Variants in COL1A2 observed in about 807,000 individuals in gnomAD.
COL1A2 encodes the protein collagen type I alpha 2 chain, also known as collagen alpha-2(I) chain.
In COL1A2, 49 loss-of-function variants were observed where a neutral mutation model predicts 174.3. That is an observed-to-expected ratio of 0.28 (90% CI 0.22 to 0.36). The LOEUF (loss-of-function observed/expected upper bound fraction) is 0.36, where lower values mean the gene tolerates loss of function less well. Ranked by LOEUF, COL1A2 falls within the 10% of genes least tolerant of loss-of-function variation. The probability of loss-of-function intolerance (pLI) is 1.00; values close to 1 mark genes in which losing one functional copy is unlikely to be tolerated. For missense variants in COL1A2, 1,438 were observed against 1,822.7 expected (o/e 0.79, Z 3.84); for synonymous variants, 655 against 606.6 (o/e 1.08, Z -1.17).
At chr7:94,420,352 G>C (rs747020099) in intron 35 of COL1A2, 39 bp from the exon 36 acceptor site, 1 of 1,614,106 alleles carries the variant, frequency 6.2e-7, no homozygotes, top group South Asian at 1.1e-5. Flanking sequence ...GATGAACCTA[G>C]GATTGATAAC....
In COL1A2 at chr7:94,420,236, G is replaced by A; in HGVS notation, c.2083G>A (p.Glu695Lys). The A allele has an allele frequency of 3.7e-6, 6 of 1,613,448 alleles. No individual in the cohort carries two copies. The highest frequency in any genetic ancestry group is 4.2e-6 in the Non-Finnish European group (5 of 1,180,036). The change falls in exon 35 of 52, where the codon GAA (glutamate) becomes AAA (lysine). Residue 695 changes from glutamate (E) to lysine (K), a missense_variant. Transcript: ENST00000297268. ...TTCATCTTTGGTCCCATTATAGGGCGAAGCTGGGGCTGCTGGTCCTGCTGG... is the reference window on the plus strand; with the variant it reads ...TTCATCTTTGGTCCCATTATAGGGCAAAGCTGGGGCTGCTGGTCCTGCTGG... The part of the protein sequence containing the change: ...GPAGATGDRG[E>K]AGAAGPAGPA...
chr7:94,404,892 T>A lies in COL1A2; in HGVS notation c.432T>A (p.Asp144Glu). 1 of 1,614,022 alleles carries A rather than the reference T, an allele frequency of 6.2e-7. No individual in the cohort carries two copies. Among genetic ancestry groups the A allele is most frequent in the Non-Finnish European group, 8.5e-7 (1 of 1,179,946 alleles). ...GCCCTCCTGGCAAGGCTGGTGAAGATGTAAGTATTTACTCTTAAGCACTTT... is the reference window on the plus strand; with the variant it reads ...GCCCTCCTGGCAAGGCTGGTGAAGAAGTAAGTATTTACTCTTAAGCACTTT... ...PAGPPGKAGE[D>E]GHPGKPGRPG... Residue 144 changes from aspartate (D) to glutamate (E), a missense_variant and splice_region_variant, in exon 9 of 52, where the codon GAT becomes GAA. Transcript: ENST00000297268.
At chr7:94,429,162 C>G in intron 50 of COL1A2, 26 bp from the exon 51 acceptor site, 1 of 1,461,386 alleles carries the variant, frequency 6.8e-7, no homozygotes, top group Non-Finnish European at 9.3e-7. Context: ...CTCCACTTAA[C>G]TGGAATTTCA....
intron 31 of COL1A2, 38 bp from the exon 32 acceptor site, chr7:94,417,686 T>A (rs1792070172): frequency 6.7e-7 from 1 of 1,498,860 alleles, no homozygotes; most frequent in East Asian, 2.4e-5. Context: ...TTTTCTTCTT[T>A]CTCCACTAAA....
At position 94,413,125 on chromosome 7, in the gene COL1A2, G is replaced by T. The variant is rs1185283931; in HGVS notation, c.1546G>T (p.Ala516Ser). 1.9e-6 allele frequency: 3 copies of T among 1,614,220 alleles called. No homozygotes were observed. Among genetic ancestry groups the T allele is most frequent in the Non-Finnish European group, 2.5e-6 (3 of 1,180,036 alleles). The change falls in exon 26 of 52, where the codon GCT becomes TCT. Residue 516 changes from alanine (A) to serine (S), a missense_variant. Ala to Ser is a moderately conservative substitution (Grantham distance 99). Transcript: ENST00000297268. ...KNGDKGHAGL[A>S]GARGAPGPDG... ...CGGTGATAAAGGTCATGCTGGTCTT[G>T]CTGGTGCTCGGGTAGGTGCTAACTT...
intron 51 of COL1A2, 178 bp downstream of exon 51, chr7:94,429,608 G>A (rs1425614832): frequency 6.6e-6 from 4 of 607,618 alleles, no homozygotes; most frequent in Non-Finnish European, 1.1e-5. Context: ...TTATTTATAC[G>A]TATTAATTTC....
intron 2 of COL1A2, 21 bp from the exon 3 acceptor site, chr7:94,398,361 C>T (rs763645397): frequency 1.5e-5 from 13 of 868,300 alleles, no homozygotes; most frequent in Non-Finnish European, 2.2e-5. Flanking sequence ...TCATAATAAT[C>T]TTTGATTTAT....
intron 41 of COL1A2, chr7:94,424,880 C>T: frequency 3.6e-6 from 2 of 560,334 alleles, no homozygotes; most frequent in South Asian, 2.0e-5. Context: ...TACTGAATGA[C>T]ACGAGGCTCA....
rs760482884 is a variant in COL1A2 at position 94,409,363 on chromosome 7, C to T, written c.834C>T (p.Pro278=). 9.3e-6 allele frequency: 15 copies of T among 1,614,028 alleles called. No homozygotes were observed. Among genetic ancestry groups the T allele is most frequent in the South Asian group, 2.2e-5 (2 of 91,090 alleles). Residue 278 remains proline (P), a synonymous_variant, in exon 17 of 52, where the codon CCC becomes CCT. Coordinates refer to ENST00000297268, the MANE Select transcript of COL1A2 (RefSeq NM_000089.4). ...GAVGNAGPAG[P]AGPRGEVGLP... Reference sequence around the variant, plus strand: ...TTGGTAACGCTGGTCCTGCTGGTCCCGCCGGTCCCCGTGGTGAAGTGGGTC... The same window carrying T: ...TTGGTAACGCTGGTCCTGCTGGTCCTGCCGGTCCCCGTGGTGAAGTGGGTC...
At position 94,410,445 on chromosome 7, in the gene COL1A2, C is replaced by G; in HGVS notation, c.1115C>G (p.Pro372Arg). The change falls in exon 21 of 52, where the codon CCT becomes CGT. Residue 372 changes from proline to arginine, a missense_variant. Physicochemically the swap from Pro to Arg is moderately radical, Grantham distance 103. Transcript: ENST00000297268. ...EPGSAGPQGP[P>R]GPSGEEGKRG... is the part of the protein sequence containing the mutation. ...GGCTCTGCTGGGCCCCAAGGTCCTCCTGGTCCCAGTGGTGAAGAAGGAAAG... is the reference window on the plus strand; with the variant it reads ...GGCTCTGCTGGGCCCCAAGGTCCTCGTGGTCCCAGTGGTGAAGAAGGAAAG... 2 of 1,551,400 alleles carry G rather than the reference C, an allele frequency of 1.3e-6. No homozygotes were observed. The highest frequency in any genetic ancestry group is 2.7e-5 in the African/African-American group (2 of 73,136).
At chr7:94,400,428 A>T (rs1791667596) in intron 5 of COL1A2, 140 bp downstream of exon 5, 1 of 834,312 alleles carries the variant, frequency 1.2e-6, no homozygotes, top group South Asian at 1.5e-5. Flanking sequence ...TGGTTTTTTC[A>T]CTCAAGATTC....
rs746473119 is a variant in COL1A2 at position 94,409,710 on chromosome 7, T to C, written c.937-13T>C. Reference sequence around the variant, plus strand: ...CACCTCCCTAATGGACCACACTGCATTTTCCTTCACAGGGCCTTCCCGGCG... The same window carrying C: ...CACCTCCCTAATGGACCACACTGCACTTTCCTTCACAGGGCCTTCCCGGCG... On this transcript the variant is annotated splice_polypyrimidine_tract_variant and intron_variant, in intron 18 of 51. Transcript: ENST00000297268. The C allele has an allele frequency of 2.5e-6, 4 of 1,614,068 alleles. No homozygotes were observed. In the South Asian group the frequency reaches 3.3e-5, roughly 13 times the overall value.
Position 94,427,653 on chromosome 7 carries a change from T to G in COL1A2, c.3294T>G (p.Pro1098=). Residue 1098 remains proline (P), a synonymous_variant, in exon 49 of 52, where the codon CCT becomes CCG. Coordinates refer to ENST00000297268, the MANE Select transcript of COL1A2 (RefSeq NM_000089.4). ...GCCCCCCTGGTCCCCCTGGCCCTCC[T>G]GGACCTCCAGGTGTAAGCGGTGGTG... ...PAGPPGPPGP[P]GPPGVSGGGY... 6.2e-7 allele frequency: 1 copy of G among 1,614,194 alleles called. No individual in the cohort carries two copies. The highest frequency in any genetic ancestry group is 8.5e-7 in the Non-Finnish European group (1 of 1,180,024).
Position 94,405,251 on chromosome 7 carries a change from A to G in COL1A2, c.485A>G (p.Gln162Arg). ...RPGERGVVGP[Q>R]GARGFPGTPG... ...GGTGAGAGAGGAGTTGTTGGACCAC[A>G]GGTGAGACTTTTTACATTGGTAGAT... The change falls in exon 10 of 52, where the codon CAG (glutamine) becomes CGG (arginine). Residue 162 changes from glutamine (Q) to arginine (R), a missense_variant and splice_region_variant. This residue lies in a region of COL1A2 where 281 missense variants were observed against 310.9 expected (regional missense o/e 0.90). Coordinates refer to ENST00000297268, the MANE Select transcript of COL1A2 (RefSeq NM_000089.4). The G allele has an allele frequency of 6.2e-7, 1 of 1,613,884 alleles. No individual in the cohort carries two copies. Among genetic ancestry groups the G allele is most frequent in the Admixed American group, 1.7e-5 (1 of 60,008 alleles).
intron 1 of COL1A2, among the ~76,000 whole-genome samples, chr7:94,395,846 T>C (rs1399627557): frequency 6.6e-6 from 1 of 152,162 alleles, no homozygotes; most frequent in Non-Finnish European, 1.5e-5. Flanking sequence ...TTTCTAGTCA[T>C]GGAAATGGTA....
At chr7:94,426,776 TTAAAA>T in intron 46 of COL1A2, 1 of 626,258 alleles carries the variant, frequency 1.6e-6, no homozygotes. Flanking sequence ...TCAACCCCAC[TTAAAA>T]TAAACATAAT....
At chr7:94,414,410 T>C in intron 29 of COL1A2, 135 bp downstream of exon 29, 1 of 837,272 alleles carries the variant, frequency 1.2e-6, no homozygotes, top group Non-Finnish European at 2.0e-6. Context: ...GTGTTTTACA[T>C]ACTTTGGTGC....
chr7:94,428,316 C>G lies in COL1A2; in HGVS notation c.3550C>G (p.Gln1184Glu). 6.2e-7 allele frequency: 1 copy of G among 1,613,978 alleles called. No homozygotes were observed. ...AGGTTACTACTGGATTGACCCTAAC[C>G]AAGGATGCACTATGGATGCTATCAA... ...SSGYYWIDPN[Q>E]GCTMDAIKVY... The change falls in exon 50 of 52, where the codon CAA (glutamine) becomes GAA (glutamate). Residue 1184 changes from glutamine (Q) to glutamate (E), a missense_variant. Physicochemically the swap from Gln to Glu is conservative, Grantham distance 29. Transcript: ENST00000297268.
intron 51 of COL1A2, 32 bp from the exon 52 acceptor site, chr7:94,430,215 C>T: frequency 6.2e-7 from 1 of 1,601,566 alleles, no homozygotes; most frequent in Non-Finnish European, 8.6e-7. Flanking sequence ...AATAGTGATG[C>T]TTTGTGTATC....
Sources: gnomAD v4.1 joint callset for allele counts (sites outside exome capture counted in the v4.1 genomes callset) on GRCh38, gnomAD v4.1.1 for gene constraint, gnomAD v4.1.1 regional missense constraint, MANE v1.5 for transcripts, NCBI Gene and HGNC (gene_info 2026-07-23, HGNC 2026-07-21) for gene names.